PITPNM1: variants seen among roughly 807,000 people sequenced by gnomAD.
PITPNM1 encodes the protein phosphatidylinositol transfer protein membrane associated 1.
A neutral mutation model predicts 133.3 loss-of-function variants in PITPNM1; 74 were observed. The ratio of observed to expected loss-of-function variants is 0.56; its 90% CI spans 0.46 to 0.67. The LOEUF (loss-of-function observed/expected upper bound fraction) is 0.67. PITPNM1 is among the 30% of genes least tolerant of loss of function. The probability of loss-of-function intolerance (pLI) is 0.00; values close to 1 mark genes in which losing one functional copy is unlikely to be tolerated. For missense variants in PITPNM1, 1,398 were observed against 1,739.5 expected, an observed-to-expected ratio of 0.80 and a Z score of 3.49; for synonymous variants, 738 against 741.4, an observed-to-expected ratio of 1.00 and a Z score of 0.08.
intron 14 of PITPNM1, chr11:67,496,644 A>T (rs1209230312): frequency 2.6e-6 from 1 of 389,530 alleles, no homozygotes; most frequent in Non-Finnish European, 4.6e-6. Flanking sequence ...CATTAAAAAT[A>T]CAAAAATTAG....
chr11:67,494,115 A>G, intron 19 of PITPNM1, 45 bp from the exon 20 acceptor site: 1 of 1,470,914 alleles, frequency 6.8e-7, no homozygotes, highest in Non-Finnish European at 9.3e-7. Context: ...CCCTGCGTGG[A>G]GGTGGGCAGA....
chr11:67,495,030 C>T (rs1179667496), intron 17 of PITPNM1, 47 bp downstream of exon 17: 1 of 1,609,248 alleles, frequency 6.2e-7, no homozygotes, highest in Non-Finnish European at 8.5e-7. Context: ...CCAAAGCAGC[C>T]CATCCCCGTC....
chr11:67,494,461 C>A, intron 18 of PITPNM1, 101 bp from the exon 19 acceptor site: 1 of 797,350 alleles, frequency 1.3e-6, no homozygotes, highest in Non-Finnish European at 1.9e-6. Context: ...GGGGTGGGGG[C>A]CTAGAGGCGG....
chr11:67,500,238 C>T lies in PITPNM1; in HGVS notation c.824G>A (p.Ser275Asn). 1 of 1,605,484 alleles carries T rather than the reference C, an allele frequency of 6.2e-7. No individual in the cohort carries two copies. Among genetic ancestry groups the T allele is most frequent in the Non-Finnish European group, 8.5e-7 (1 of 1,179,790 alleles). Residue 275 changes from serine (S) to asparagine (N), a missense_variant, in exon 6 of 24, where the codon AGC (serine) becomes AAC (asparagine). Ser to Asn is a conservative substitution (Grantham distance 46, BLOSUM62 1). Coordinates refer to ENST00000356404, the MANE Select transcript of PITPNM1 (RefSeq NM_004910.3). ...GSEAQPPGKPSTEARSAASNT... is the reference protein window; with the variant it reads ...GSEAQPPGKPNTEARSAASNT... The stretch of plus-strand genomic sequence containing the variant: ...GCTGGCCGCAGACCGGGCCTCGGTG[C>T]TCGGTTTCCCGGGGGGCTGGGCCTC...
intron 7 of PITPNM1, 38 bp downstream of exon 7, chr11:67,499,876 G>T: frequency 6.3e-7 from 1 of 1,598,322 alleles, no homozygotes; most frequent in East Asian, 2.3e-5. Context: ...GAGCTGCTCG[G>T]GGACATCCCC....
In PITPNM1 at chr11:67,492,896, T is replaced by C. The variant is rs755505265; in HGVS notation, c.3471+38A>G. The C allele has an allele frequency of 3.1e-6, 5 of 1,597,952 alleles. No individual in the cohort carries two copies. In the South Asian group the frequency reaches 4.4e-5, roughly 14 times the overall value. The stretch of plus-strand genomic sequence containing the variant: ...GCCTGGGACTGAGGGCCCTGCCCCC[T>C]GGTGGGGTCCTGTTCCTGGCCTTCA... On this transcript the variant is annotated intron_variant, in intron 23 of 23. Transcript: ENST00000356404.
chr11:67,501,138 C>G, intron 5 of PITPNM1, among the ~76,000 whole-genome samples: 1 of 152,204 alleles, frequency 6.6e-6, no homozygotes, highest in East Asian at 1.9e-4. Context: ...GGAGATCTTG[C>G]ACAAAAAGTA....
At position 67,495,441 on chromosome 11, in the gene PITPNM1, T is replaced by C; in HGVS notation, c.2479A>G (p.Lys827Glu). 6.6e-7 allele frequency: 1 copy of C among 1,508,686 alleles called. No homozygotes were observed. The highest frequency in any genetic ancestry group is 8.9e-7 in the Non-Finnish European group (1 of 1,126,234). The allele number at this position is 1,508,686 out of a possible 1,614,324, so 93.5% of individuals were successfully genotyped here. Residue 827 changes from lysine to glutamate, a missense_variant, in exon 16 of 24, where the codon AAG (lysine) becomes GAG (glutamate). This residue lies in a region of PITPNM1 where 574 missense variants were observed against 698.7 expected (regional missense o/e 0.82). Transcript: ENST00000356404. ...AAPSTTSEVV[K>E]ILERWWGTKR... is the part of the protein sequence containing the mutation. The stretch of plus-strand genomic sequence containing the variant: ...CTGCCTAGGCTGGCTGACTTACTCT[T>C]AACCACCTCACTGGTGGTGCTGGGG...
chr11:67,504,294 G>C lies in PITPNM1; in HGVS notation c.-41-73C>G, dbSNP rs1866424729. 5.7e-6 allele frequency: 3 copies of C among 524,178 alleles called. No individual in the cohort carries two copies. Among genetic ancestry groups the C allele is most frequent in the Non-Finnish European group, 8.7e-6 (3 of 346,472 alleles). The allele number at this position is 524,178 out of a possible 1,614,324, so 32.5% of individuals were successfully genotyped here. A position where few individuals can be genotyped will look rare whatever the true frequency, so the allele number is the denominator to read the frequency against. On this transcript the variant is annotated intron_variant, in intron 1 of 23. Coordinates refer to ENST00000356404, the MANE Select transcript of PITPNM1 (RefSeq NM_004910.3). The surrounding 1 kb of genome is among the most constrained non-coding windows in gnomAD (Gnocchi z 5.4). ...GCCCCGAGCCCTGCGCGCCGGCCGA[G>C]GGACTCAGGCCACGGGACCCCATGT...
Position 67,498,430 on chromosome 11 carries a change from G to A in PITPNM1, c.1485-108C>T. The A allele has an allele frequency of 7.2e-7, 1 of 1,389,054 alleles. No individual in the cohort carries two copies. The highest frequency in any genetic ancestry group is 9.6e-7 in the Non-Finnish European group (1 of 1,038,838). The allele number at this position is 1,389,054 out of a possible 1,614,324, so 86.0% of individuals were successfully genotyped here. On this transcript the variant is annotated intron_variant, in intron 10 of 23. Coordinates refer to ENST00000356404, the MANE Select transcript of PITPNM1 (RefSeq NM_004910.3). The surrounding 1 kb of genome is among the most constrained non-coding windows in gnomAD (Gnocchi z 5.7). Reference sequence around the variant, plus strand: ...CCTGGCTCTGTGGGTCCTCTGTGGGGAGCGTTAGCCCCAAGAGGCAACTGA... The same window carrying A: ...CCTGGCTCTGTGGGTCCTCTGTGGGAAGCGTTAGCCCCAAGAGGCAACTGA...
At position 67,500,012 on chromosome 11, in the gene PITPNM1, G is replaced by C. The variant is rs758749675; in HGVS notation, c.968-3C>G. On this transcript the variant is annotated splice_polypyrimidine_tract_variant and splice_region_variant and intron_variant, in intron 6 of 23. Transcript: ENST00000356404. Reference sequence around the variant, plus strand: ...CAAGCTCTGGGGAGACACAGCCCCTGCCGGGCCAGCTCAGCCTCAGCCTCA... The same window carrying C: ...CAAGCTCTGGGGAGACACAGCCCCTCCCGGGCCAGCTCAGCCTCAGCCTCA... 6.2e-7 allele frequency: 1 copy of C among 1,611,640 alleles called. No homozygotes were observed. The highest frequency in any genetic ancestry group is 8.5e-7 in the Non-Finnish European group (1 of 1,179,442).
chr11:67,496,146 C>A (rs772109031), intron 15 of PITPNM1, 32 bp downstream of exon 15: 1 of 1,478,382 alleles, frequency 6.8e-7, no homozygotes, highest in Non-Finnish European at 8.9e-7. Context: ...GTGCCCTCCT[C>A]CTTCTCCCCT....
chr11:67,504,058 A>G lies in PITPNM1; in HGVS notation c.78+45T>C, dbSNP rs974390978. On this transcript the variant is annotated intron_variant, in intron 2 of 23. Transcript: ENST00000356404. The surrounding 1 kb of genome is among the most constrained non-coding windows in gnomAD (Gnocchi z 5.4). ...CCGGGGCAGGGCTGGCGGGGTCGGC[A>G]GGGCTCCACCCCTTGCCCGGGTGCC... 1 of 1,470,792 alleles carries G rather than the reference A, an allele frequency of 6.8e-7. No individual in the cohort carries two copies. Among genetic ancestry groups the G allele is most frequent in the African/African-American group, 1.4e-5 (1 of 71,766 alleles). 91.1% of individuals were successfully genotyped at this position (1,470,792 alleles called of 1,614,324 possible).
chr11:67,499,559 ACCCATCCATCCAT>A (rs1866246165), intron 8 of PITPNM1, 151 bp downstream of exon 8: 4 of 138,932 alleles, frequency 2.9e-5, no homozygotes, highest in Non-Finnish European at 3.8e-5. Flanking sequence ...CCATCCATCC[ACCCATCCATCCAT>A]CCATCCATCC....
intron 16 of PITPNM1, 96 bp from the exon 17 acceptor site, chr11:67,495,321 T>C (rs911326383): frequency 1.8e-5 from 27 of 1,474,290 alleles, no homozygotes; most frequent in Non-Finnish European, 2.3e-5. Flanking sequence ...TCACCCAGCC[T>C]GCTCTTTGCC....
chr11:67,493,640 G>A (rs1866008785), intron 21 of PITPNM1, 47 bp from the exon 22 acceptor site: 3 of 1,545,476 alleles, frequency 1.9e-6, no homozygotes, highest in African/African-American at 1.4e-5. Flanking sequence ...GGGGTGAGGG[G>A]CCGGTCACCC....
rs1865939673 is a variant in PITPNM1, at chr11:67,492,031, C to T, written c.*2G>A. On this transcript the variant is annotated 3_prime_UTR_variant, in exon 24 of 24. Coordinates refer to ENST00000356404, the MANE Select transcript of PITPNM1 (RefSeq NM_004910.3). ...TAACCCAGGTCCAGGCTGGTGTGGG[C>T]CTCACTCCTCGCTGTCCAGCTTCAG... 1 of 1,611,426 alleles carries T rather than the reference C, an allele frequency of 6.2e-7. No individual in the cohort carries two copies. Among genetic ancestry groups the T allele is most frequent in the Admixed American group, 1.7e-5 (1 of 59,944 alleles).
rs768091784 is a variant in PITPNM1 at position 67,492,274 on chromosome 11, G to C, written c.3494C>G (p.Ala1165Gly). 3.2e-6 allele frequency: 5 copies of C among 1,582,534 alleles called. No homozygotes were observed. The highest frequency in any genetic ancestry group is 2.6e-6 in the Non-Finnish European group (3 of 1,162,746). ...QCQFLSDGYV[A>G]HLGQLEAGSH... Reference sequence around the variant, plus strand: ...GCCCGCTTCCAGCTGGCCCAGGTGGGCCACATAGCCGTCTGACAGGAACTG... The same window carrying C: ...GCCCGCTTCCAGCTGGCCCAGGTGGCCCACATAGCCGTCTGACAGGAACTG... The change falls in exon 24 of 24, where the codon GCC becomes GGC. Residue 1165 changes from alanine (A) to glycine (G), a missense_variant. Coordinates refer to ENST00000356404, the MANE Select transcript of PITPNM1 (RefSeq NM_004910.3).
rs1409623149 is a variant in PITPNM1 at position 67,502,891 on chromosome 11, C to A, written c.79-173G>T. On this transcript the variant is annotated intron_variant, in intron 2 of 23. Coordinates refer to ENST00000356404, the MANE Select transcript of PITPNM1 (RefSeq NM_004910.3). This position sits in a 1 kb window ranked among gnomAD's most constrained non-coding sequence, Gnocchi z 5.9. ...CCTGGGATCAGAATCACAGATGCAG[C>A]CCAGCCCCGCATGGGGTCTGCAACC... Among the ~76,000 whole-genome samples the A allele has an allele frequency of 6.6e-6, 1 of 152,208 alleles. No homozygotes were observed. The highest frequency in any genetic ancestry group is 1.5e-5 in the Non-Finnish European group (1 of 68,040).
Sources: gnomAD v4.1 joint callset for allele counts (sites outside exome capture counted in the v4.1 genomes callset) on GRCh38, gnomAD v4.1.1 for gene constraint, gnomAD v4.1.1 regional missense constraint, Gnocchi (gnomAD v3.1) non-coding constraint, MANE v1.5 for transcripts, NCBI Gene and HGNC (gene_info 2026-07-23, HGNC 2026-07-21) for gene names.